SCUBE1: variants seen among roughly 807,000 people sequenced by gnomAD.
The protein encoded by SCUBE1 is signal peptide, CUB domain and EGF like domain containing 1, also known as signal peptide, CUB and EGF-like domain-containing protein 1.
SCUBE1 carries 59 observed loss-of-function variants against 124.4 expected under a neutral mutation model. The ratio of observed to expected loss-of-function variants is 0.47; its 90% CI spans 0.38 to 0.59. The LOEUF (loss-of-function observed/expected upper bound fraction) is 0.59, where lower values mean the gene tolerates loss of function less well. Ranked by LOEUF, SCUBE1 falls within the 20% of genes least tolerant of loss-of-function variation. The pLI, the probability that SCUBE1 is intolerant of heterozygous loss-of-function variation, is 0.00. For synonymous variants in SCUBE1, 545 were observed against 550.9 expected, an observed-to-expected ratio of 0.99 and a Z score of 0.15; for missense variants, 1,150 against 1,371.2, an observed-to-expected ratio of 0.84 and a Z score of 2.55.
rs188406569 is a variant in SCUBE1 at position 43,318,927 on chromosome 22, G to T, written c.349+1010C>A. Among the ~76,000 whole-genome samples, 3 of 152,146 alleles carry T rather than the reference G, an allele frequency of 2.0e-5. No homozygotes were observed. The East Asian group carries it at 5.8e-4, about 30-fold the overall frequency. On this transcript the variant is annotated intron_variant, in intron 3 of 21. Coordinates refer to ENST00000360835, the MANE Select transcript of SCUBE1 (RefSeq NM_173050.5). Reference sequence around the variant, plus strand: ...AGTAGAGACAGGGTTTTGCCATGTTGGTCAGGCTGGTCTTGAACTTCGGAC... The same window carrying T: ...AGTAGAGACAGGGTTTTGCCATGTTTGTCAGGCTGGTCTTGAACTTCGGAC...
chr22:43,228,973 G>C, intron 9 of SCUBE1, 99 bp downstream of exon 9: 1 of 852,518 alleles, frequency 1.2e-6, no homozygotes, highest in South Asian at 1.4e-5. Context: ...GGCCCCCCAG[G>C]GTTGAGGGCA....
rs746947409 is a variant in SCUBE1, at chr22:43,207,590, C to A, written c.2758G>T (p.Asp920Tyr). Reference sequence around the variant, plus strand: ...TACAGGCGCCCATCGCGCACGATGTCCTCTATGAGTTGCTGGTAGTCCTCT... The same window carrying A: ...TACAGGCGCCCATCGCGCACGATGTACTCTATGAGTTGCTGGTAGTCCTCT... The part of the protein sequence containing the change: ...YDEDYQQLIE[D>Y]IVRDGRLYAS... Residue 920 changes from aspartate (D) to tyrosine (Y), a missense_variant, in exon 21 of 22, where the codon GAC (aspartate) becomes TAC (tyrosine). Around this residue, in one of 3 missense-constraint regions of SCUBE1, gnomAD observed 757 missense variants for 840.9 expected, o/e 0.90. Coordinates refer to ENST00000360835, the MANE Select transcript of SCUBE1 (RefSeq NM_173050.5). 6.2e-7 allele frequency: 1 copy of A among 1,614,106 alleles called. No individual in the cohort carries two copies. The highest frequency in any genetic ancestry group is 8.5e-7 in the Non-Finnish European group (1 of 1,179,996).
intron 3 of SCUBE1, among the ~76,000 whole-genome samples, chr22:43,309,730 C>T (rs894849386): frequency 6.6e-6 from 1 of 152,150 alleles, no homozygotes; most frequent in Non-Finnish European, 1.5e-5. Context: ...CTGTCCTCCC[C>T]CTAGCCTTCC....
intron 6 of SCUBE1, among the ~76,000 whole-genome samples, chr22:43,252,892 C>T (rs1347550677): frequency 6.7e-6 from 1 of 149,786 alleles, no homozygotes; most frequent in African/African-American, 2.5e-5. Context: ...ACCTCCCTTA[C>T]TCTCCATACC....
rs1922139418 is a variant in SCUBE1 at position 43,222,631 on chromosome 22, G to A, written c.1432+7C>T. 3 of 1,577,518 alleles carry A rather than the reference G, an allele frequency of 1.9e-6. No homozygotes were observed. The highest frequency in any genetic ancestry group is 1.7e-6 in the Non-Finnish European group (2 of 1,163,294). ...GGCATGCAGCATGGACAGGCCGGGG[G>A]GGTTACCTGAGCAGCTGGGCCCGAG... On this transcript the variant is annotated splice_region_variant and intron_variant, in intron 12 of 21. Transcript: ENST00000360835.
chr22:43,343,193 G>T lies in SCUBE1; in HGVS notation c.69C>A (p.Ala23=), dbSNP rs1927390004. 1 of 1,194,604 alleles carries T rather than the reference G, an allele frequency of 8.4e-7. No homozygotes were observed. The allele number at this position is 1,194,604 out of a possible 1,614,324, so 74.0% of individuals were successfully genotyped here. ...LLALGTRGRL[A]GGSGLPGSVD... is the part of the protein sequence containing the mutation. The stretch of plus-strand genomic sequence containing the variant: ...GCTTACCTGGGAGCCCGCTGCCCCC[G>T]GCCAGCCGCCCGCGTGTGCCCAGGG... Residue 23 remains alanine (A), a synonymous_variant, in exon 1 of 22, where the codon GCC becomes GCA. Coordinates refer to ENST00000360835, the MANE Select transcript of SCUBE1 (RefSeq NM_173050.5).
intron 4 of SCUBE1, among the ~76,000 whole-genome samples, chr22:43,271,424 G>A (rs1445679985): frequency 6.6e-6 from 1 of 152,174 alleles, no homozygotes; most frequent in Non-Finnish European, 1.5e-5. Flanking sequence ...AGCGGCCTGG[G>A]ATCAGCTACT....
At chr22:43,303,829 C>A (rs1601875211) in intron 3 of SCUBE1, among the ~76,000 whole-genome samples, 1 of 152,212 alleles carries the variant, frequency 6.6e-6, no homozygotes, top group Non-Finnish European at 1.5e-5. Context: ...CAGTCAGGAG[C>A]ATCTATTTTG....
chr22:43,217,538 AGC>A (rs1921887205), intron 15 of SCUBE1, among the ~76,000 whole-genome samples: 1 of 152,052 alleles, frequency 6.6e-6, no homozygotes, highest in Non-Finnish European at 1.5e-5. Context: ...TTCCCGTAAG[AGC>A]GCGCATGAGC....
chr22:43,332,411 C>G (rs1041028290), intron 2 of SCUBE1, among the ~76,000 whole-genome samples: 4 of 152,200 alleles, frequency 2.6e-5, no homozygotes, highest in Non-Finnish European at 5.9e-5. Flanking sequence ...GGTCCTGTCT[C>G]AGACCAGCCA....
intron 4 of SCUBE1, among the ~76,000 whole-genome samples, chr22:43,266,446 C>T (rs369537534): frequency 6.1e-4 from 93 of 152,340 alleles, no homozygotes; most frequent in African/African-American, 2.0e-3. Context: ...CCTCCACTCA[C>T]GGGCAACACT....
chr22:43,273,101 G>A (rs560432165), intron 4 of SCUBE1, among the ~76,000 whole-genome samples: 4 of 152,348 alleles, frequency 2.6e-5, no homozygotes, highest in African/African-American at 9.6e-5. Context: ...TGCAGGCCCT[G>A]GGCTGAGACC....
chr22:43,199,330 G>A lies in SCUBE1; in HGVS notation c.*4667C>T, dbSNP rs1920969695. On this transcript the variant is annotated 3_prime_UTR_variant, in exon 22 of 22. Coordinates refer to ENST00000360835, the MANE Select transcript of SCUBE1 (RefSeq NM_173050.5). ...GCCTCCTGCCGTGGACAAGCCCAGG[G>A]GACAGGCTTCACTGAGACGCTGCCT... The A allele has an allele frequency of 6.4e-6, 1 of 155,652 alleles. No homozygotes were observed. The highest frequency in any genetic ancestry group is 1.4e-5 in the Non-Finnish European group (1 of 70,650). 9.6% of individuals were successfully genotyped at this position (155,652 alleles called of 1,614,324 possible).
At chr22:43,247,317 G>A (rs1923255389) in intron 6 of SCUBE1, among the ~76,000 whole-genome samples, 1 of 152,200 alleles carries the variant, frequency 6.6e-6, no homozygotes, top group Non-Finnish European at 1.5e-5. Flanking sequence ...GATGTGAGCT[G>A]GCCCTGGGGT....
chr22:43,324,383 C>T (rs1051460963), intron 2 of SCUBE1, among the ~76,000 whole-genome samples: 1 of 152,206 alleles, frequency 6.6e-6, no homozygotes, highest in Non-Finnish European at 1.5e-5. Context: ...AATCCATCCC[C>T]AATTAGTTCT....
At chr22:43,315,392 C>T (rs1233826030) in intron 3 of SCUBE1, among the ~76,000 whole-genome samples, 1 of 152,198 alleles carries the variant, frequency 6.6e-6, no homozygotes, top group Non-Finnish European at 1.5e-5. Flanking sequence ...CCAAGCCCAG[C>T]TGACTCTTAC....
chr22:43,292,584 C>CACAT (rs1555887093), intron 3 of SCUBE1, among the ~76,000 whole-genome samples: 2 of 151,904 alleles, frequency 1.3e-5, no homozygotes, highest in Admixed American at 1.3e-4. Flanking sequence ...CACACACACA[C>CACAT]ACACACACAC....
intron 4 of SCUBE1, chr22:43,282,753 T>C (rs557080179): frequency 6.6e-6 from 1 of 151,822 alleles, no homozygotes; most frequent in African/African-American, 2.4e-5. Context: ...TTGGGTGCAA[T>C]GGCGCGATCT....
chr22:43,240,150 T>C (rs982740888), intron 6 of SCUBE1, among the ~76,000 whole-genome samples: 22 of 151,964 alleles, frequency 1.4e-4, no homozygotes, highest in Admixed American at 1.2e-3. Flanking sequence ...AGGGCTGAGG[T>C]GGTGGGCGTC....
Sources: gnomAD v4.1 joint callset for allele counts (sites outside exome capture counted in the v4.1 genomes callset) on GRCh38, gnomAD v4.1.1 for gene constraint, gnomAD v4.1.1 regional missense constraint, MANE v1.5 for transcripts, NCBI Gene and HGNC (gene_info 2026-07-23, HGNC 2026-07-21) for gene names.